The following SYN3 variants were observed in gnomAD, a reference collection of about 807,000 sequenced individuals.
SYN3 encodes synapsin III, also known as synapsin-3.
Under a neutral mutation model 65.8 loss-of-function variants are expected in SYN3, and 35 were observed. The ratio of observed to expected loss-of-function variants is 0.53; its 90% CI spans 0.41 to 0.70. The LOEUF (loss-of-function observed/expected upper bound fraction) is 0.70. SYN3 is among the 30% of genes least tolerant of loss of function. The pLI is 0.00. For synonymous variants in SYN3, 270 were observed against 292.9 expected (o/e 0.92, Z 0.80); for missense variants, 680 against 749.0 (o/e 0.91, Z 1.08).
intron 6 of SYN3, among the ~76,000 whole-genome samples, chr22:32,767,385 T>TCACACACA (rs10527431): frequency 0.63 from 95,931 of 151,216 alleles, 30,926 homozygotes; most frequent in African/African-American, 0.76. Context: ...GCTGGTGACT[T>TCACACACA]CACACACACA....
At chr22:32,544,146 C>A (rs1429770304) in intron 7 of SYN3, among the ~76,000 whole-genome samples, 2 of 152,290 alleles carry the variant, frequency 1.3e-5, no homozygotes, top group East Asian at 3.9e-4. Context: ...CTATGTTGAC[C>A]AGGCTGGTCT....
chr22:32,886,452 C>T (rs77755557), intron 4 of SYN3, among the ~76,000 whole-genome samples: 198 of 152,214 alleles, frequency 1.3e-3, no homozygotes, highest in Non-Finnish European at 2.5e-3. Context: ...ACTCTGGACA[C>T]GTTTTGAGCT....
At chr22:33,019,620 A>G (rs1315547152) in intron 1 of SYN3, among the ~76,000 whole-genome samples, 1 of 152,098 alleles carries the variant, frequency 6.6e-6, no homozygotes, top group Admixed American at 6.6e-5. Flanking sequence ...GCTGTTATTT[A>G]TTTATTACAG....
At chr22:32,526,963 C>T (rs1220638222) in intron 12 of SYN3, among the ~76,000 whole-genome samples, 2 of 152,108 alleles carry the variant, frequency 1.3e-5, no homozygotes, top group South Asian at 2.1e-4. Context: ...GGATACGGGG[C>T]GGATTTCTCT....
At chr22:32,604,493 A>ACT (rs752995517) in intron 6 of SYN3, among the ~76,000 whole-genome samples, 1 of 146,854 alleles carries the variant, frequency 6.8e-6, no homozygotes, top group Non-Finnish European at 1.5e-5. Context: ...CCTCCCTCAC[A>ACT]CTCTTTTCTA....
At chr22:32,597,056 A>G (rs1392550479) in intron 6 of SYN3, among the ~76,000 whole-genome samples, 1 of 152,072 alleles carries the variant, frequency 6.6e-6, no homozygotes, top group Non-Finnish European at 1.5e-5. Context: ...TATTGCATTG[A>G]CCCATGCCTC....
chr22:32,763,589 C>G (rs992508648), intron 6 of SYN3, among the ~76,000 whole-genome samples: 1 of 152,228 alleles, frequency 6.6e-6, no homozygotes, highest in African/African-American at 2.4e-5. Context: ...AGCCAGGACT[C>G]AAATCCAGAC....
intron 6 of SYN3, among the ~76,000 whole-genome samples, chr22:32,857,664 G>A (rs2048408540): frequency 6.6e-6 from 1 of 152,100 alleles, no homozygotes; most frequent in African/African-American, 2.4e-5. Context: ...GACCTGTTAG[G>A]CCCGTCTTTG....
intron 6 of SYN3, among the ~76,000 whole-genome samples, chr22:32,654,516 GC>G (rs1374223398): frequency 6.6e-6 from 1 of 152,152 alleles, no homozygotes; most frequent in Non-Finnish European, 1.5e-5. Flanking sequence ...AGACGGGACA[GC>G]TTGTCCCCTG....
chr22:32,743,389 GC>G (rs1289568405), intron 6 of SYN3, among the ~76,000 whole-genome samples: 4 of 152,184 alleles, frequency 2.6e-5, no homozygotes, highest in Non-Finnish European at 5.9e-5. Flanking sequence ...GGTGCCCCGA[GC>G]CAGCTAGTGG....
At chr22:33,047,497 T>C (rs2054088216) in intron 1 of SYN3, among the ~76,000 whole-genome samples, 1 of 152,092 alleles carries the variant, frequency 6.6e-6, no homozygotes, top group Non-Finnish European at 1.5e-5. Context: ...CAGCTGTTGG[T>C]GCTTTCAAAA....
chr22:32,692,155 CAA>C (rs1188224009), intron 6 of SYN3, among the ~76,000 whole-genome samples: 347 of 34,488 alleles, frequency 0.01, 4 homozygotes, highest in Non-Finnish European at 0.011. Flanking sequence ...GACAAAAAGA[CAA>C]AAAAAAAAAA....
At chr22:32,663,127 A>G (rs1450977680) in intron 6 of SYN3, among the ~76,000 whole-genome samples, 2 of 152,140 alleles carry the variant, frequency 1.3e-5, no homozygotes, top group Non-Finnish European at 2.9e-5. Context: ...TGAAATAAAA[A>G]CAGTTGAGTT....
At chr22:32,688,492 A>G (rs2060621604) in intron 6 of SYN3, among the ~76,000 whole-genome samples, 1 of 152,058 alleles carries the variant, frequency 6.6e-6, no homozygotes, top group Non-Finnish European at 1.5e-5. Context: ...GCAGCCTGAA[A>G]ACTCTTGATC....
intron 4 of SYN3, among the ~76,000 whole-genome samples, chr22:32,928,720 A>G (rs1358077997): frequency 6.6e-6 from 1 of 152,076 alleles, no homozygotes; most frequent in Non-Finnish European, 1.5e-5. Flanking sequence ...TCTTTCCAAA[A>G]CAATCATTTC....
chr22:32,851,631 C>G (rs868094840), intron 6 of SYN3, among the ~76,000 whole-genome samples: 1 of 152,092 alleles, frequency 6.6e-6, no homozygotes, highest in African/African-American at 2.4e-5. Flanking sequence ...CTGACAGAGG[C>G]GCAAAGGGGA....
At chr22:32,970,513 C>T (rs2051986320) in intron 3 of SYN3, among the ~76,000 whole-genome samples, 1 of 148,436 alleles carries the variant, frequency 6.7e-6, no homozygotes, top group African/African-American at 2.5e-5. Context: ...CACGCCACTG[C>T]ACTCCAGCCT....
Position 32,801,945 on chromosome 22 carries a change from C to T in SYN3, c.711+62970G>A. On this transcript the variant is annotated intron_variant, in intron 6 of 13. Transcript: ENST00000358763. The surrounding 1 kb of genome is among the most constrained non-coding windows in gnomAD (Gnocchi z 4.7). The stretch of plus-strand genomic sequence containing the variant: ...GGCTGCAGCAGCCCCGCCGGCGGCG[C>T]GCACGGCAACTTTGGAGAGGCGAGC... The T allele has an allele frequency of 1.9e-6, 3 of 1,540,710 alleles. No individual in the cohort carries two copies. The highest frequency in any genetic ancestry group is 8.7e-7 in the Non-Finnish European group (1 of 1,152,890).
chr22:32,660,821 T>G (rs1376880354), intron 6 of SYN3, among the ~76,000 whole-genome samples: 1 of 152,024 alleles, frequency 6.6e-6, no homozygotes, highest in Admixed American at 6.5e-5. Context: ...AAGTGAAGCT[T>G]ATTTTAAGCA....
Sources: allele counts gnomAD v4.1 joint callset (sites outside exome capture counted in the v4.1 genomes callset), GRCh38; gene constraint gnomAD v4.1.1; non-coding constraint Gnocchi (gnomAD v3.1); transcripts MANE v1.5; gene names NCBI Gene and HGNC (gene_info 2026-07-23, HGNC 2026-07-21).